The following ATG13 variants were observed in gnomAD, a reference collection of about 807,000 sequenced individuals.
ATG13 encodes autophagy related 13.
In ATG13, 23 loss-of-function variants were observed where a neutral mutation model predicts 65.5. That is an observed-to-expected ratio of 0.35 (90% CI 0.25 to 0.50). ATG13 has a LOEUF of 0.50. ATG13 is among the 20% of genes least tolerant of loss of function. The pLI, the probability that ATG13 is intolerant of heterozygous loss-of-function variation, is 0.98. For synonymous variants in ATG13, 252 were observed against 245.2 expected (o/e 1.03, Z -0.26); for missense variants, 566 against 677.0 (o/e 0.84, Z 1.82).
intron 1 of ATG13, among the ~76,000 whole-genome samples, chr11:46,626,964 G>T (rs964588627): frequency 1.3e-5 from 2 of 152,200 alleles, no homozygotes; most frequent in African/African-American, 2.4e-5. Flanking sequence ...AAGAAATAAG[G>T]TCGGGTGCGG....
chr11:46,665,800 T>C (rs891335839), intron 14 of ATG13, among the ~76,000 whole-genome samples: 3 of 125,668 alleles, frequency 2.4e-5, no homozygotes, highest in Admixed American at 2.2e-4. Context: ...ATTTTTCCTT[T>C]TTTTTTTTTT....
chr11:46,648,807 A>C, intron 5 of ATG13: 1 of 158,588 alleles, frequency 6.3e-6, no homozygotes. Flanking sequence ...AAAGAGAGAG[A>C]GAGAAACAAC....
intron 10 of ATG13, among the ~76,000 whole-genome samples, chr11:46,658,845 G>A (rs1654968173): frequency 6.6e-6 from 1 of 151,902 alleles, no homozygotes; most frequent in Non-Finnish European, 1.5e-5. Context: ...TAGAAAAAAA[G>A]AAAAGAAAAG....
intron 1 of ATG13, among the ~76,000 whole-genome samples, chr11:46,628,671 A>C (rs536247568): frequency 4.6e-5 from 7 of 152,296 alleles, no homozygotes; most frequent in African/African-American, 1.7e-4. Flanking sequence ...TTAACTGTTC[A>C]TTGTTAATAT....
chr11:46,672,938 A>C lies in ATG13; in HGVS notation c.*606A>C. Reference sequence around the variant, plus strand: ...GCCTACCCAAGATCAGAACTCCAAAACCACTCCCACCCCTGAAGGTCGGGA... The same window carrying C: ...GCCTACCCAAGATCAGAACTCCAAACCCACTCCCACCCCTGAAGGTCGGGA... On this transcript the variant is annotated 3_prime_UTR_variant, in exon 19 of 19. Coordinates refer to ENST00000683050, the MANE Select transcript of ATG13 (RefSeq NM_001346311.2). 1.4e-5 allele frequency: 9 copies of C among 623,052 alleles called. No homozygotes were observed. Among genetic ancestry groups the C allele is most frequent in the Non-Finnish European group, 1.8e-5 (8 of 433,210 alleles). 38.6% of individuals were successfully genotyped at this position (623,052 alleles called of 1,614,324 possible). A position where few individuals can be genotyped will look rare whatever the true frequency, so the allele number is the denominator to read the frequency against.
At chr11:46,660,144 G>C (rs2060841084) in intron 11 of ATG13, 1 of 152,160 alleles carries the variant, frequency 6.6e-6, no homozygotes, top group Non-Finnish European at 1.5e-5. Context: ...TGAATTGCTG[G>C]GGCACATTTC....
intron 1 of ATG13, among the ~76,000 whole-genome samples, chr11:46,622,892 G>A (rs1384678098): frequency 6.6e-6 from 1 of 152,064 alleles, no homozygotes; most frequent in East Asian, 1.9e-4. Flanking sequence ...TTTTAGATTT[G>A]GCTGTAGTGG....
chr11:46,641,933 C>T (rs779549930), intron 2 of ATG13, among the ~76,000 whole-genome samples: 3 of 152,026 alleles, frequency 2.0e-5, no homozygotes, highest in Non-Finnish European at 2.9e-5. Flanking sequence ...TGCCACCATG[C>T]CTGGCTAAAT....
chr11:46,663,141 C>T (rs2061525979), intron 11 of ATG13, among the ~76,000 whole-genome samples: 1 of 151,740 alleles, frequency 6.6e-6, no homozygotes, highest in Non-Finnish European at 1.5e-5. Flanking sequence ...TGGCGGGCAC[C>T]TGTAGTCTCA....
chr11:46,637,769 G>A (rs1448866538), intron 2 of ATG13, among the ~76,000 whole-genome samples: 1 of 152,190 alleles, frequency 6.6e-6, no homozygotes, highest in Non-Finnish European at 1.5e-5. Flanking sequence ...GAGTGGGAAA[G>A]CTTTATAGTG....
chr11:46,665,250 A>G, intron 13 of ATG13, 133 bp from the exon 14 acceptor site: 1 of 1,134,992 alleles, frequency 8.8e-7, no homozygotes, highest in East Asian at 2.4e-5. Flanking sequence ...ATAAAGATCC[A>G]GGGATTGCTG....
At chr11:46,654,283 T>TTA (rs376147806) in intron 7 of ATG13, among the ~76,000 whole-genome samples, 9,302 of 122,060 alleles carry the variant, frequency 0.076, 379 homozygotes, top group African/African-American at 0.12. Flanking sequence ...TTTTAAAATT[T>TTA]TATATATATA....
chr11:46,657,451 G>A, intron 9 of ATG13, 73 bp from the exon 10 acceptor site: 3 of 1,396,290 alleles, frequency 2.1e-6, no homozygotes, highest in Non-Finnish European at 3.1e-6. Context: ...GTAAGGTGAG[G>A]GGCCCTCTGA....
intron 5 of ATG13, among the ~76,000 whole-genome samples, chr11:46,648,514 T>TA (rs2058203518): frequency 6.6e-6 from 1 of 150,744 alleles, no homozygotes; most frequent in Non-Finnish European, 1.5e-5. Flanking sequence ...CGCAGTGGCT[T>TA]ACGCCTGTAA....
chr11:46,641,741 T>C (rs140899795), intron 2 of ATG13, among the ~76,000 whole-genome samples: 1 of 147,970 alleles, frequency 6.8e-6, no homozygotes, highest in East Asian at 2.0e-4. Flanking sequence ...TGCATTTCAG[T>C]GCATCTAAGT....
At chr11:46,646,099 TATC>T in intron 5 of ATG13, 110 bp downstream of exon 5, 3 of 1,407,458 alleles carry the variant, frequency 2.1e-6, no homozygotes, top group African/African-American at 1.5e-5. Flanking sequence ...CTGATATTCT[TATC>T]ATTCTCTGAG....
chr11:46,663,384 T>G (rs1219120604), intron 11 of ATG13, among the ~76,000 whole-genome samples: 1 of 152,120 alleles, frequency 6.6e-6, no homozygotes, highest in Non-Finnish European at 1.5e-5. Context: ...CCCCAGCTTT[T>G]TACTTCATCA....
chr11:46,647,280 G>GTTTTTTTTTTTTTTTTT (rs60893694), intron 5 of ATG13, among the ~76,000 whole-genome samples: 10 of 55,892 alleles, frequency 1.8e-4, no homozygotes, highest in South Asian at 7.2e-4. Flanking sequence ...TGTTTTTTTT[G>GTTTTTTTTTTTTTTTTT]TTTTTTTTTT....
At chr11:46,633,349 T>A (rs1028595931) in intron 2 of ATG13, among the ~76,000 whole-genome samples, 5 of 151,458 alleles carry the variant, frequency 3.3e-5, no homozygotes, top group Admixed American at 6.6e-5. Flanking sequence ...TTTTATTTTT[T>A]AATTATTGTT....
Sources: allele counts gnomAD v4.1 joint callset (sites outside exome capture counted in the v4.1 genomes callset), GRCh38; gene constraint gnomAD v4.1.1; transcripts MANE v1.5; gene names NCBI Gene and HGNC (gene_info 2026-07-23, HGNC 2026-07-21).